Variants in TAFA2 observed in about 807,000 individuals in gnomAD.
TAFA2 encodes the protein TAFA chemokine like family member 2.
TAFA2 carries 7 observed loss-of-function variants against 18.8 expected under a neutral mutation model. The ratio of observed to expected loss-of-function variants is 0.37; its 90% CI spans 0.21 to 0.70. The LOEUF (loss-of-function observed/expected upper bound fraction) is 0.70, where lower values mean the gene tolerates loss of function less well. Among genes scored for constraint, TAFA2 ranks in the 30% least tolerant of loss-of-function variants. The probability of loss-of-function intolerance (pLI) is 0.53; values close to 1 mark genes in which losing one functional copy is unlikely to be tolerated. For missense variants in TAFA2, 122 were observed against 158.1 expected, an observed-to-expected ratio of 0.77 and a Z score of 1.23; for synonymous variants, 60 against 54.2, an observed-to-expected ratio of 1.11 and a Z score of -0.47.
chr12:62,088,428 T>C (rs1274834125), intron 1 of TAFA2, among the ~76,000 whole-genome samples: 6 of 151,730 alleles, frequency 4.0e-5, no homozygotes, highest in Non-Finnish European at 1.5e-5. Context: ...CAGGAGTAGC[T>C]CTTAGGCTGT....
chr12:61,859,794 C>T (rs954958530), intron 2 of TAFA2, among the ~76,000 whole-genome samples: 2 of 152,150 alleles, frequency 1.3e-5, no homozygotes, highest in African/African-American at 2.4e-5. Flanking sequence ...AAAGAGATAC[C>T]TCTGTGGGAA....
At chr12:61,931,259 C>A (rs1291339295) in intron 1 of TAFA2, among the ~76,000 whole-genome samples, 2 of 152,144 alleles carry the variant, frequency 1.3e-5, no homozygotes, top group South Asian at 4.2e-4. Flanking sequence ...CTGCTATGAG[C>A]ACCCAAAAAT....
At chr12:62,248,094 C>G (rs2062895466) in intron 1 of TAFA2, among the ~76,000 whole-genome samples, 1 of 152,178 alleles carries the variant, frequency 6.6e-6, no homozygotes, top group African/African-American at 2.4e-5. Flanking sequence ...AGAAAGCTCT[C>G]AGAAAAAAGG....
At chr12:62,064,477 C>A (rs1882435659) in intron 1 of TAFA2, among the ~76,000 whole-genome samples, 2 of 151,794 alleles carry the variant, frequency 1.3e-5, no homozygotes, top group African/African-American at 4.8e-5. Context: ...TAAAAGGGAA[C>A]CCAGAGGCAA....
intron 1 of TAFA2, among the ~76,000 whole-genome samples, chr12:62,200,214 C>T (rs1190589116): frequency 6.6e-6 from 1 of 152,168 alleles, no homozygotes; most frequent in Admixed American, 6.5e-5. Context: ...TGTTTGCTCA[C>T]TCTGATGATA....
At chr12:61,877,922 T>C (rs201662342) in intron 1 of TAFA2, among the ~76,000 whole-genome samples, 94,394 of 145,606 alleles carry the variant, frequency 0.65, 30,644 homozygotes, top group East Asian at 0.78. Flanking sequence ...TATATATATA[T>C]ATACACACAC....
rs527339082 is a variant in TAFA2, at chr12:62,174,067, G to A, written c.-2+17192C>T. ...AGCACTTTGGGAGGCCAAGGTGGGC[G>A]GATCGCTTGAGGCCAGGAGTTCAAG... On this transcript the variant is annotated intron_variant, in intron 1 of 4. Transcript: ENST00000416284. Among the ~76,000 whole-genome samples, 197 of 152,274 alleles carry A rather than the reference G, an allele frequency of 1.3e-3. 3 individuals carry two copies. Among genetic ancestry groups the A allele is most frequent in the African/African-American group, 4.2e-3 (175 of 41,560 alleles).
In TAFA2 at chr12:61,842,103, C is replaced by G. The variant is rs1422051968; in HGVS notation, c.106+25217G>C. On this transcript the variant is annotated intron_variant, in intron 2 of 4. Coordinates refer to ENST00000416284, the MANE Select transcript of TAFA2 (RefSeq NM_178539.5). ...TCCATAAGGACATTTTTTTTTCGCT[C>G]AAGATTCAAAGCGGTATAGAAAACA... Among the ~76,000 whole-genome samples, 5 of 151,024 alleles carry G rather than the reference C, an allele frequency of 3.3e-5. No homozygotes were observed. In the East Asian group the frequency reaches 9.7e-4, roughly 29 times the overall value.
In TAFA2 at chr12:61,723,153, C is replaced by A. The variant is rs1203777623; in HGVS notation, c.385-12736G>T. On this transcript the variant is annotated intron_variant, in intron 4 of 4. Coordinates refer to ENST00000416284, the MANE Select transcript of TAFA2 (RefSeq NM_178539.5). ...GTTTCAAATCCCAGAAGAAATGTGG[C>A]CACTTCATGATTTATCCGATCAGCA... Among the ~76,000 whole-genome samples the A allele has an allele frequency of 2.6e-5, 4 of 152,040 alleles. No homozygotes were observed. The East Asian group carries it at 7.7e-4, about 29-fold the overall frequency.
intron 1 of TAFA2, chr12:61,880,053 TG>T (rs1331414386): frequency 4.3e-6 from 3 of 691,808 alleles, no homozygotes; most frequent in Non-Finnish European, 7.9e-6. Context: ...GACACGTCTG[TG>T]GTGCTGTCCA....
chr12:61,973,594 A>G (rs1879330629), intron 1 of TAFA2, among the ~76,000 whole-genome samples: 2 of 151,618 alleles, frequency 1.3e-5, no homozygotes, highest in Non-Finnish European at 3.0e-5. Flanking sequence ...TTATATCTCA[A>G]TCCCCTAGGG....
chr12:62,055,703 T>C (rs184262690), intron 1 of TAFA2, among the ~76,000 whole-genome samples: 54 of 152,320 alleles, frequency 3.5e-4, no homozygotes, highest in Admixed American at 1.1e-3. Flanking sequence ...ATAACCTTTT[T>C]ATAAATCCCC....
chr12:62,035,733 C>CTTCT (rs1881583993), intron 1 of TAFA2, among the ~76,000 whole-genome samples: 1 of 60,228 alleles, frequency 1.7e-5, no homozygotes, highest in Non-Finnish European at 2.9e-5. Context: ...ATGATTCTTT[C>CTTCT]TTTTTTTTTT....
At chr12:61,749,541 C>A (rs1265618456) in intron 4 of TAFA2, among the ~76,000 whole-genome samples, 1 of 151,986 alleles carries the variant, frequency 6.6e-6, no homozygotes, top group Non-Finnish European at 1.5e-5. Flanking sequence ...ATAGGAAATT[C>A]TTAATATATT....
chr12:62,216,408 G>C (rs1025877687), intron 1 of TAFA2, among the ~76,000 whole-genome samples: 1 of 152,120 alleles, frequency 6.6e-6, no homozygotes, highest in Non-Finnish European at 1.5e-5. Flanking sequence ...TGTGGGTATT[G>C]GGGAAGTGGT....
At chr12:61,944,295 A>G (rs1878169269) in intron 1 of TAFA2, among the ~76,000 whole-genome samples, 1 of 151,448 alleles carries the variant, frequency 6.6e-6, no homozygotes, top group African/African-American at 2.4e-5. Flanking sequence ...TCTGGGACAC[A>G]TTCAAAGCAG....
rs149540087 is a variant in TAFA2 at position 61,838,028 on chromosome 12, G to T, written c.106+29292C>A. On this transcript the variant is annotated intron_variant, in intron 2 of 4. Coordinates refer to ENST00000416284, the MANE Select transcript of TAFA2 (RefSeq NM_178539.5). ...TCCCAGACAGAGTTGATTAATGTGG[G>T]CATGGGCATTTGATCCAAGGTGAGA... Among the ~76,000 whole-genome samples the T allele has an allele frequency of 1.4e-3, 218 of 152,070 alleles. 3 individuals carry two copies. The highest frequency in any genetic ancestry group is 5.0e-3 in the African/African-American group (209 of 41,506).
upstream of TAFA2, among the ~76,000 whole-genome samples, chr12:62,196,356 T>C (rs73131832): frequency 0.11 from 16,995 of 152,250 alleles, 1,034 homozygotes; most frequent in Middle Eastern, 0.18. Flanking sequence ...TCTTGAACTT[T>C]TCCTTTGCAT....
At chr12:62,031,921 A>T (rs565115715) in intron 1 of TAFA2, among the ~76,000 whole-genome samples, 517 of 152,320 alleles carry the variant, frequency 3.4e-3, no homozygotes, top group Non-Finnish European at 5.3e-3. Flanking sequence ...TTATCCGATA[A>T]GAAAATTTAG....
Sources: allele counts gnomAD v4.1 joint callset (sites outside exome capture counted in the v4.1 genomes callset), GRCh38; gene constraint gnomAD v4.1.1; transcripts MANE v1.5; gene names NCBI Gene and HGNC (gene_info 2026-07-23, HGNC 2026-07-21).